The following NAGA variants were observed in gnomAD, a reference collection of about 807,000 sequenced individuals.
The protein encoded by NAGA is alpha-N-acetylgalactosaminidase.
NAGA carries 42 observed loss-of-function variants against 45.6 expected under a neutral mutation model. That is an observed-to-expected ratio of 0.92 (90% CI 0.72 to 1.19). The LOEUF (loss-of-function observed/expected upper bound fraction) is 1.19, where lower values mean the gene tolerates loss of function less well. Ranked by LOEUF, NAGA falls within the 50% of genes most tolerant of loss-of-function variation. NAGA has a pLI of 0.00. For missense variants in NAGA, 493 were observed against 544.8 expected, an observed-to-expected ratio of 0.90 and a Z score of 0.95; for synonymous variants, 176 against 203.1, an observed-to-expected ratio of 0.87 and a Z score of 1.13.
chr22:42,064,584 G>A (rs1421636662), intron 6 of NAGA, among the ~76,000 whole-genome samples: 1 of 151,936 alleles, frequency 6.6e-6, no homozygotes, highest in East Asian at 1.9e-4. Flanking sequence ...GGTGGAGGTT[G>A]CAGTAAGCCG....
intron 4 of NAGA, 130 bp downstream of exon 4, chr22:42,066,983 G>T: frequency 1.4e-6 from 2 of 1,471,928 alleles, no homozygotes; most frequent in Non-Finnish European, 1.9e-6. Context: ...TATTTAGGGA[G>T]CCTGGGAGCC....
intron 1 of NAGA, 114 bp downstream of exon 1, chr22:42,070,168 G>A (rs1602499477): frequency 8.1e-7 from 1 of 1,239,826 alleles, no homozygotes; most frequent in Non-Finnish European, 1.2e-6. Flanking sequence ...CCAGCTCTAA[G>A]TAAAAGAGAG....
At chr22:42,062,774 C>T (rs955238042) in intron 7 of NAGA, 53 bp downstream of exon 7, 2 of 1,593,380 alleles carry the variant, frequency 1.3e-6, no homozygotes, top group Non-Finnish European at 1.7e-6. Flanking sequence ...GCCTTTCTCT[C>T]AGGAGAACCC....
At chr22:42,067,722 G>A (rs1926823908) in intron 3 of NAGA, 43 bp downstream of exon 3, 11 of 1,562,850 alleles carry the variant, frequency 7.0e-6, no homozygotes, top group Middle Eastern at 3.6e-4. Context: ...TGAAAGGAGT[G>A]GTCTAGCCCT....
Position 42,070,273 on chromosome 22 carries a change from T to C in NAGA, c.16+9A>G. The C allele has an allele frequency of 6.2e-7, 1 of 1,614,174 alleles. No individual in the cohort carries two copies. The highest frequency in any genetic ancestry group is 8.5e-7 in the Non-Finnish European group (1 of 1,180,008). ...TACCCTTCCAAGCCACCCCAGCCGGTGTAGGTACCTGTCTTCAGCAGCATC... is the reference window on the plus strand; with the variant it reads ...TACCCTTCCAAGCCACCCCAGCCGGCGTAGGTACCTGTCTTCAGCAGCATC... On this transcript the variant is annotated intron_variant, in intron 1 of 8. Coordinates refer to ENST00000396398, the MANE Select transcript of NAGA (RefSeq NM_000262.3).
rs767647030 is a variant in NAGA, at chr22:42,068,395, G to C, written c.152+44C>G. The C allele has an allele frequency of 8.1e-6, 13 of 1,614,056 alleles. 1 individual carries two copies. In the South Asian group the frequency reaches 9.9e-5, roughly 12 times the overall value. On this transcript the variant is annotated intron_variant, in intron 2 of 8. Transcript: ENST00000396398. ...TCCACTTCCTGCCCCCGAATCTGCA[G>C]GGCCCTGGGCAAGGCTCATCAGGTG...
In NAGA at chr22:42,063,103, C is replaced by T. The variant is rs12168259; in HGVS notation, c.760-79G>A. The T allele has an allele frequency of 0.015, 21,007 of 1,397,636 alleles. 2,323 individuals are homozygous for T. The African/African-American group carries it at 0.25, about 17-fold the overall frequency. The allele number at this position is 1,397,636 out of a possible 1,614,324, so 86.6% of individuals were successfully genotyped here. A position where few individuals can be genotyped will look rare whatever the true frequency, so the allele number is the denominator to read the frequency against. On this transcript the variant is annotated intron_variant, in intron 6 of 8. Transcript: ENST00000396398. ...CAGGGACCATCCCCAAACTTGTAGC[C>T]GAGGAAGAGCAATTAGGGATTAGGG...
Position 42,060,260 on chromosome 22 carries a change from TGTCACATGTCCC to T in NAGA, c.*7_*18del. On this transcript the variant is annotated 3_prime_UTR_variant, in exon 9 of 9. Coordinates refer to ENST00000396398, the MANE Select transcript of NAGA (RefSeq NM_000262.3). ...TAGGCTCAGTGGTGCCACCACAGCCTGTCACATGTCCCAGCTCCTCACTGCTGGGACATCTCC... is the reference window on the plus strand; with the variant it reads ...TAGGCTCAGTGGTGCCACCACAGCCTAGCTCCTCACTGCTGGGACATCTCC... 6.2e-7 allele frequency: 1 copy of T among 1,612,698 alleles called. No individual in the cohort carries two copies. Among genetic ancestry groups the T allele is most frequent in the African/African-American group, 1.3e-5 (1 of 74,996 alleles).
At chr22:42,067,442 C>T in intron 3 of NAGA, 152 bp from the exon 4 acceptor site, 2 of 969,360 alleles carry the variant, frequency 2.1e-6, no homozygotes, top group Non-Finnish European at 3.2e-6. Context: ...CCCATGATGG[C>T]CCACCTCTCC....
At chr22:42,062,721 G>A (rs1322499489) in intron 7 of NAGA, 106 bp downstream of exon 7, 9 of 1,311,866 alleles carry the variant, frequency 6.9e-6, no homozygotes, top group African/African-American at 2.9e-5. Context: ...GGGACTGGGC[G>A]ACTCCTGTAC....
At chr22:42,063,617 A>G (rs954457116) in intron 6 of NAGA, among the ~76,000 whole-genome samples, 1 of 152,246 alleles carries the variant, frequency 6.6e-6, no homozygotes, top group African/African-American at 2.4e-5. Context: ...GCCTCCAGTC[A>G]CGTTTCCCAC....
intron 4 of NAGA, 93 bp downstream of exon 4, chr22:42,067,020 G>A (rs1287436023): frequency 5.1e-6 from 8 of 1,571,532 alleles, no homozygotes; most frequent in East Asian, 4.5e-5. Context: ...CTGGGTAGGG[G>A]GAATTGGGAA....
rs1231137143 is a variant in NAGA at position 42,070,284 on chromosome 22, G to A, written c.14C>T (p.Thr5Ile). MLLK[T>I]VLLLGHVAQV... ...GCCACCCCAGCCGGTGTAGGTACCTGTCTTCAGCAGCATCGCTCTGGACTC... is the reference window on the plus strand; with the variant it reads ...GCCACCCCAGCCGGTGTAGGTACCTATCTTCAGCAGCATCGCTCTGGACTC... The change falls in exon 1 of 9, where the codon ACA (threonine) becomes ATA (isoleucine). Residue 5 changes from threonine (T) to isoleucine (I), a missense_variant and splice_region_variant. By Grantham distance (89) the Thr-to-Ile change is moderately conservative. Transcript: ENST00000396398. 1 of 1,614,230 alleles carries A rather than the reference G, an allele frequency of 6.2e-7. No individual in the cohort carries two copies. The highest frequency in any genetic ancestry group is 8.5e-7 in the Non-Finnish European group (1 of 1,180,038).
At chr22:42,066,213 C>CA (rs1358152924) in intron 5 of NAGA, among the ~76,000 whole-genome samples, 1 of 152,206 alleles carries the variant, frequency 6.6e-6, no homozygotes, top group Non-Finnish European at 1.5e-5. Flanking sequence ...CACCCACCCC[C>CA]ATGTTCTCTC....
intron 7 of NAGA, 86 bp from the exon 8 acceptor site, chr22:42,061,153 T>TC (rs1417077662): frequency 6.6e-7 from 1 of 1,517,500 alleles, no homozygotes; most frequent in East Asian, 2.4e-5. Flanking sequence ...GAGTTCTGGG[T>TC]CCCCCAGTTC....
Position 42,066,755 on chromosome 22 carries a change from G to A in NAGA, c.552C>T (p.Ala184=), listed in dbSNP as rs780445341. The part of the protein sequence containing the change: ...AALNATGRPI[A]FSCSWPAYEG... ...CATAGGCTGGCCAGCTGCAGGAGAA[G>A]GCGATGGGGCGGCCTGTGGCATTCA... Residue 184 remains alanine, a synonymous_variant, in exon 5 of 9, where the codon GCC becomes GCT. Transcript: ENST00000396398. 9.3e-6 allele frequency: 15 copies of A among 1,607,298 alleles called. No individual in the cohort carries two copies. In the South Asian group the frequency reaches 1.7e-4, roughly 18 times the overall value.
rs903736915 is a variant in NAGA at position 42,070,543 on chromosome 22, A to G, written c.-246T>C. 5 of 629,500 alleles carry G rather than the reference A, an allele frequency of 7.9e-6. No individual in the cohort carries two copies. The African/African-American group carries it at 9.0e-5, about 11-fold the overall frequency. 39.0% of individuals were successfully genotyped at this position (629,500 alleles called of 1,614,324 possible). On this transcript the variant is annotated 5_prime_UTR_variant, in exon 1 of 9. Transcript: ENST00000396398. ...AGAAATACGAAACAACGTGTCTTGG[A>G]TGTCAGACCTCACACCCTCTGCAGT...
chr22:42,062,544 C>T (rs1926466318), intron 7 of NAGA, among the ~76,000 whole-genome samples: 1 of 152,222 alleles, frequency 6.6e-6, no homozygotes, highest in South Asian at 2.1e-4. Flanking sequence ...TATAGAAGCT[C>T]TGTGCCTCAC....
rs748050996 is a variant in NAGA at position 42,065,768 on chromosome 22, G to A, written c.729C>T (p.Ala243=). The A allele has an allele frequency of 1.6e-4, 254 of 1,613,978 alleles. No individual in the cohort carries two copies. The highest frequency in any genetic ancestry group is 2.0e-4 in the Non-Finnish European group (240 of 1,180,050). Residue 243 remains alanine, a synonymous_variant, in exon 6 of 9, where the codon GCC becomes GCT. Transcript: ENST00000396398. ...VEHQDILQPV[A]GPGHWNDPDM... ...CAGGGTCATTCCAGTGCCCAGGGCCGGCCACTGGCTGCAGTATGTCCTGGT... is the reference window on the plus strand; with the variant it reads ...CAGGGTCATTCCAGTGCCCAGGGCCAGCCACTGGCTGCAGTATGTCCTGGT...
Sources: gnomAD v4.1 joint callset for allele counts (sites outside exome capture counted in the v4.1 genomes callset) on GRCh38, gnomAD v4.1.1 for gene constraint, MANE v1.5 for transcripts, NCBI Gene and HGNC (gene_info 2026-07-23, HGNC 2026-07-21) for gene names.